Variants in CLVS1 observed in about 807,000 individuals in gnomAD.
CLVS1 encodes the protein clavesin 1, also known as clavesin-1.
A neutral mutation model predicts 33.1 loss-of-function variants in CLVS1; 10 were observed. That is an observed-to-expected ratio of 0.30 (90% CI 0.19 to 0.51). The LOEUF (loss-of-function observed/expected upper bound fraction) is 0.51. Among genes scored for constraint, CLVS1 ranks in the 20% least tolerant of loss-of-function variants. CLVS1 has a pLI of 0.97. For synonymous variants in CLVS1, 163 were observed against 166.1 expected, an observed-to-expected ratio of 0.98 and a Z score of 0.14; for missense variants, 343 against 433.4, an observed-to-expected ratio of 0.79 and a Z score of 1.85.
At chr8:61,073,929 G>A (rs972604152) in intron 1 of CLVS1, among the ~76,000 whole-genome samples, 4 of 150,216 alleles carry the variant, frequency 2.7e-5, no homozygotes, top group African/African-American at 7.4e-5. Flanking sequence ...GGAGAATGGC[G>A]TGAACCAGTG....
the CLVS1 span, among the ~76,000 whole-genome samples, chr8:61,004,197 T>C: frequency 5.3e-5 from 8 of 152,254 alleles, no homozygotes; most frequent in Non-Finnish European, 1.2e-4. Flanking sequence ...GCTTTGCACG[T>C]GGTAGAAAGC....
chr8:61,402,891 T>A (rs554399389), intron 3 of CLVS1, among the ~76,000 whole-genome samples: 1 of 152,348 alleles, frequency 6.6e-6, no homozygotes, highest in African/African-American at 2.4e-5. Context: ...TGTGCATACA[T>A]ACACTGGGGA....
intron 3 of CLVS1, among the ~76,000 whole-genome samples, chr8:61,393,823 T>G (rs113869682): frequency 0.018 from 2,672 of 152,282 alleles, 60 homozygotes; most frequent in African/African-American, 0.06. Flanking sequence ...GGGAGTGAAG[T>G]GGACTCTGTG....
chr8:61,380,370 C>T (rs1226445425), intron 3 of CLVS1, among the ~76,000 whole-genome samples: 1 of 152,158 alleles, frequency 6.6e-6, no homozygotes, highest in Non-Finnish European at 1.5e-5. Flanking sequence ...GAAGGCCTCT[C>T]TTTAGGGATC....
At chr8:60,970,603 C>G in the CLVS1 span, among the ~76,000 whole-genome samples, 1 of 152,216 alleles carries the variant, frequency 6.6e-6, no homozygotes, top group Non-Finnish European at 1.5e-5. Context: ...GCATTGCACC[C>G]ATGTCTTCTA....
intron 2 of CLVS1, among the ~76,000 whole-genome samples, chr8:61,159,818 C>T (rs1420317262): frequency 5.3e-5 from 8 of 152,184 alleles, no homozygotes; most frequent in South Asian, 2.1e-4. Context: ...AAGTGAGCTA[C>T]GTCCTGAACA....
At chr8:61,232,219 G>T (rs1269568104) in intron 2 of CLVS1, among the ~76,000 whole-genome samples, 1 of 151,646 alleles carries the variant, frequency 6.6e-6, no homozygotes, top group Non-Finnish European at 1.5e-5. Flanking sequence ...TATACTTTTA[G>T]TAGAGACGGG....
At chr8:61,368,859 G>T (rs1384260684) in intron 2 of CLVS1, among the ~76,000 whole-genome samples, 1 of 152,146 alleles carries the variant, frequency 6.6e-6, no homozygotes, top group Admixed American at 6.5e-5. Flanking sequence ...CATTATTCTG[G>T]TATTTCAGAG....
chr8:60,995,110 C>G, the CLVS1 span, among the ~76,000 whole-genome samples: 18 of 152,268 alleles, frequency 1.2e-4, no homozygotes, highest in Admixed American at 1.2e-3. Context: ...TGGGCAAGGA[C>G]TTCATGTCTA....
intron 3 of CLVS1, among the ~76,000 whole-genome samples, chr8:61,401,779 A>T (rs1814773659): frequency 6.6e-6 from 1 of 152,232 alleles, no homozygotes; most frequent in Non-Finnish European, 1.5e-5. Flanking sequence ...AAAAGAACAA[A>T]GCTGGAAGCT....
At chr8:61,339,363 G>A (rs939140287) in intron 2 of CLVS1, among the ~76,000 whole-genome samples, 17 of 152,114 alleles carry the variant, frequency 1.1e-4, no homozygotes, top group African/African-American at 4.1e-4. Context: ...GTTTTAATAC[G>A]CTTGGAATTT....
intron 2 of CLVS1, among the ~76,000 whole-genome samples, chr8:61,332,881 C>A (rs190396930): frequency 2.0e-5 from 3 of 152,176 alleles, no homozygotes; most frequent in African/African-American, 7.2e-5. Flanking sequence ...GTAATCCACT[C>A]GCCTTGGCCT....
At chr8:61,178,497 C>A (rs1807161523) in intron 2 of CLVS1, among the ~76,000 whole-genome samples, 2 of 152,114 alleles carry the variant, frequency 1.3e-5, no homozygotes, top group African/African-American at 4.8e-5. Flanking sequence ...ATACAGAGAA[C>A]AACACTAAGA....
chr8:61,385,386 C>T (rs950891594), intron 3 of CLVS1, among the ~76,000 whole-genome samples: 5 of 152,206 alleles, frequency 3.3e-5, no homozygotes, highest in East Asian at 1.9e-4. Flanking sequence ...GTTTCTAGTC[C>T]TGTCAGTGTT....
At chr8:61,240,882 T>G (rs1299501567) in intron 2 of CLVS1, among the ~76,000 whole-genome samples, 1 of 146,608 alleles carries the variant, frequency 6.8e-6, no homozygotes, top group Non-Finnish European at 1.5e-5. Context: ...AAATGAATGA[T>G]GTTTGCTGTA....
chr8:61,268,070 G>A (rs1809349485), intron 2 of CLVS1, among the ~76,000 whole-genome samples: 1 of 151,822 alleles, frequency 6.6e-6, no homozygotes, highest in Non-Finnish European at 1.5e-5. Flanking sequence ...CATTGTGCAG[G>A]TTAGTTACAT....
chr8:60,979,180 C>T, the CLVS1 span, among the ~76,000 whole-genome samples: 1 of 152,130 alleles, frequency 6.6e-6, no homozygotes, highest in African/African-American at 2.4e-5. Flanking sequence ...AGCCAGGTGA[C>T]ATTGAACAAC....
chr8:61,186,270 G>C (rs1807342323), intron 2 of CLVS1, among the ~76,000 whole-genome samples: 1 of 152,230 alleles, frequency 6.6e-6, no homozygotes, highest in South Asian at 2.1e-4. Context: ...TTTACTTTCT[G>C]CAAGATTAAA....
At chr8:61,169,560 A>C (rs1806950865) in intron 2 of CLVS1, among the ~76,000 whole-genome samples, 1 of 152,228 alleles carries the variant, frequency 6.6e-6, no homozygotes, top group African/African-American at 2.4e-5. Flanking sequence ...CTACATAATA[A>C]GACAACCTTT....
Sources: gnomAD v4.1 joint callset for allele counts (sites outside exome capture counted in the v4.1 genomes callset) on GRCh38, gnomAD v4.1.1 for gene constraint, MANE v1.5 for transcripts, NCBI Gene and HGNC (gene_info 2026-07-23, HGNC 2026-07-21) for gene names.